The following MIX23 variants were observed in gnomAD, a reference collection of about 807,000 sequenced individuals.
MIX23 encodes the protein protein MIX23.
A neutral mutation model predicts 21.6 loss-of-function variants in MIX23; 13 were observed. The ratio of observed to expected loss-of-function variants is 0.60; its 90% CI spans 0.39 to 0.96. MIX23 has a LOEUF of 0.96. Ranked by LOEUF, MIX23 falls within the 40% of genes least tolerant of loss-of-function variation. The pLI, the probability that MIX23 is intolerant of heterozygous loss-of-function variation, is 0.00. For missense variants in MIX23, 144 were observed against 171.2 expected (o/e 0.84, Z 0.89); for synonymous variants, 59 against 58.0 (o/e 1.02, Z -0.08).
At chr3:122,367,957 A>G (rs1306416684) in intron 3 of MIX23, 4 of 540,086 alleles carry the variant, frequency 7.4e-6, no homozygotes, top group Non-Finnish European at 1.3e-5. Flanking sequence ...TTTTAGACAA[A>G]GCTGCTATGC....
intron 1 of MIX23, among the ~76,000 whole-genome samples, chr3:122,381,806 T>C (rs2075535103): frequency 6.7e-6 from 1 of 149,918 alleles, no homozygotes; most frequent in African/African-American, 2.5e-5. Flanking sequence ...AGAGAAGAGA[T>C]AGTGACATAG....
intron 1 of MIX23, among the ~76,000 whole-genome samples, chr3:122,375,704 T>C (rs1479082398): frequency 1.3e-5 from 2 of 152,160 alleles, no homozygotes; most frequent in African/African-American, 2.4e-5. Flanking sequence ...GCAACAGATA[T>C]TGGTAAGCAT....
At chr3:122,377,008 C>T (rs1019367281) in intron 1 of MIX23, among the ~76,000 whole-genome samples, 2 of 152,034 alleles carry the variant, frequency 1.3e-5, no homozygotes, top group East Asian at 1.9e-4. Context: ...GGCAAAACCC[C>T]GTCTTTACCA....
chr3:122,371,555 G>A lies in MIX23; in HGVS notation c.177+120C>T, dbSNP rs2075441778. ...GATCAAAACTTATATACACCATCAG[G>A]TATAGGCAAAGAAAAGATGTCATTC... On this transcript the variant is annotated intron_variant, in intron 2 of 4. Transcript: ENST00000291458. 2.3e-5 allele frequency: 26 copies of A among 1,134,946 alleles called. No individual in the cohort carries two copies. In the South Asian group the frequency reaches 2.5e-4, roughly 11 times the overall value. The allele number at this position is 1,134,946 out of a possible 1,614,324, so 70.3% of individuals were successfully genotyped here.
intron 4 of MIX23, among the ~76,000 whole-genome samples, chr3:122,360,905 G>A (rs372867619): frequency 1.5e-4 from 23 of 152,188 alleles, no homozygotes; most frequent in Non-Finnish European, 2.1e-4. Context: ...GTGCAATGGC[G>A]TGATCTCGGC....
At chr3:122,364,199 T>C (rs1232598886) in intron 3 of MIX23, among the ~76,000 whole-genome samples, 1 of 152,268 alleles carries the variant, frequency 6.6e-6, no homozygotes. Flanking sequence ...CCTTGCAAAC[T>C]CCCTTCTTAG....
intron 4 of MIX23, among the ~76,000 whole-genome samples, chr3:122,360,325 T>C (rs1048907960): frequency 2.0e-5 from 3 of 152,190 alleles, no homozygotes; most frequent in Non-Finnish European, 4.4e-5. Context: ...AAAAATTTGG[T>C]ATGGTTATTC....
intron 3 of MIX23, among the ~76,000 whole-genome samples, chr3:122,364,413 G>A (rs1004811889): frequency 6.6e-6 from 1 of 152,200 alleles, no homozygotes; most frequent in Admixed American, 6.5e-5. Context: ...AGCCTGGACT[G>A]ACTGCCAAAG....
At chr3:122,369,407 A>G (rs1205578123) in intron 2 of MIX23, among the ~76,000 whole-genome samples, 1 of 152,246 alleles carries the variant, frequency 6.6e-6, no homozygotes, top group Non-Finnish European at 1.5e-5. Context: ...TGGGTCAGGG[A>G]TTAAAGTCAG....
At chr3:122,374,084 A>G (rs113409445) in intron 1 of MIX23, among the ~76,000 whole-genome samples, 17 of 146,808 alleles carry the variant, frequency 1.2e-4, no homozygotes, top group African/African-American at 4.3e-4. Context: ...TTGCCACTTT[A>G]CCTCCTATGA....
chr3:122,382,666 C>G (rs923048207), intron 1 of MIX23, among the ~76,000 whole-genome samples: 1 of 152,208 alleles, frequency 6.6e-6, no homozygotes, highest in African/African-American at 2.4e-5. Context: ...TACATCTTCT[C>G]TAATGGGCAA....
intron 4 of MIX23, among the ~76,000 whole-genome samples, chr3:122,362,250 A>C (rs1403560072): frequency 1.3e-5 from 2 of 152,198 alleles, no homozygotes; most frequent in African/African-American, 4.8e-5. Flanking sequence ...GTAAGTTAGA[A>C]GACAAGCAAC....
chr3:122,362,019 A>C (rs1268553094), intron 4 of MIX23, among the ~76,000 whole-genome samples: 1 of 152,172 alleles, frequency 6.6e-6, no homozygotes, highest in East Asian at 1.9e-4. Flanking sequence ...GCCCTTCGTA[A>C]ATCTTTTAGA....
At chr3:122,377,349 C>G (rs548575084) in intron 1 of MIX23, among the ~76,000 whole-genome samples, 3 of 152,186 alleles carry the variant, frequency 2.0e-5, no homozygotes, top group East Asian at 3.9e-4. Context: ...TGACACTGAT[C>G]GGGGTGGAGT....
At chr3:122,363,870 A>G (rs2075377557) in intron 3 of MIX23, among the ~76,000 whole-genome samples, 1 of 152,150 alleles carries the variant, frequency 6.6e-6, no homozygotes, top group African/African-American at 2.4e-5. Flanking sequence ...GCATTTTGTT[A>G]GAGGACTTGA....
intron 1 of MIX23, 138 bp downstream of exon 1, chr3:122,383,036 T>G: frequency 1.7e-6 from 2 of 1,149,564 alleles, no homozygotes; most frequent in Non-Finnish European, 2.6e-6. Context: ...GCGCCCCCCA[T>G]GACCTCCAAT....
At chr3:122,379,600 C>A (rs899885039) in intron 1 of MIX23, among the ~76,000 whole-genome samples, 1 of 152,206 alleles carries the variant, frequency 6.6e-6, no homozygotes, top group African/African-American at 2.4e-5. Context: ...ATGGCATACA[C>A]TCCTGTCCAG....
chr3:122,382,954 A>G (rs2075546421), intron 1 of MIX23, among the ~76,000 whole-genome samples: 2 of 152,176 alleles, frequency 1.3e-5, no homozygotes, highest in South Asian at 4.1e-4. Flanking sequence ...AAGGCCGGAG[A>G]GCCGCGGAGA....
rs2075548143 is a variant in MIX23 at position 122,383,087 on chromosome 3, G to A, written c.51+87C>T. 3.9e-6 allele frequency: 6 copies of A among 1,528,390 alleles called. No homozygotes were observed. In the Admixed American group the frequency reaches 8.4e-5, roughly 21 times the overall value. 94.7% of individuals were successfully genotyped at this position (1,528,390 alleles called of 1,614,324 possible). On this transcript the variant is annotated intron_variant, in intron 1 of 4. Coordinates refer to ENST00000291458, the MANE Select transcript of MIX23 (RefSeq NM_001017928.4). ...CTTTGAATTGCCCGCTTTTTCCAAA[G>A]CTGGTTCATACTCCCTCGCAAAGCA...
Sources: allele counts gnomAD v4.1 joint callset (sites outside exome capture counted in the v4.1 genomes callset), GRCh38; gene constraint gnomAD v4.1.1; transcripts MANE v1.5; gene names NCBI Gene and HGNC (gene_info 2026-07-23, HGNC 2026-07-21).